Variants in LDLRAD4 observed in about 807,000 individuals in gnomAD.
The protein encoded by LDLRAD4 is low density lipoprotein receptor class A domain containing 4.
Under a neutral mutation model 17.0 loss-of-function variants are expected in LDLRAD4, and 5 were observed. The ratio of observed to expected loss-of-function variants is 0.29; its 90% CI spans 0.15 to 0.62. The LOEUF is 0.62. Among genes scored for constraint, LDLRAD4 ranks in the 20% least tolerant of loss-of-function variants. LDLRAD4 has a pLI of 0.84. For synonymous variants in LDLRAD4, 168 were observed against 171.8 expected, an observed-to-expected ratio of 0.98 and a Z score of 0.17; for missense variants, 340 against 424.7, an observed-to-expected ratio of 0.80 and a Z score of 1.75.
intron 1 of LDLRAD4, among the ~76,000 whole-genome samples, chr18:13,231,962 T>C (rs2042099603): frequency 6.6e-6 from 1 of 152,226 alleles, no homozygotes; most frequent in Admixed American, 6.5e-5. Flanking sequence ...TGAAGGTCAT[T>C]GGTCCCAGGG....
intron 1 of LDLRAD4, among the ~76,000 whole-genome samples, chr18:13,350,613 G>A (rs917587411): frequency 2.6e-5 from 4 of 152,192 alleles, no homozygotes; most frequent in Non-Finnish European, 5.9e-5. Flanking sequence ...TTCTTTTGCT[G>A]TGCAGAAGCT....
intron 1 of LDLRAD4, among the ~76,000 whole-genome samples, chr18:13,259,330 A>C (rs1281117521): frequency 2.6e-5 from 4 of 151,918 alleles, no homozygotes; most frequent in Admixed American, 2.6e-4. Flanking sequence ...ACACACCACC[A>C]TGCCTGGCTA....
At chr18:13,443,509 T>C (rs1600307454) in intron 3 of LDLRAD4, among the ~76,000 whole-genome samples, 1 of 152,336 alleles carries the variant, frequency 6.6e-6, no homozygotes, top group East Asian at 1.9e-4. Context: ...AGTCACCAAA[T>C]GTCCTTTTCG....
Position 13,640,300 on chromosome 18 carries a change from A to AAAAG in LDLRAD4, c.337-3056_337-3055insGAAA, listed in dbSNP as rs1315777504. Among the ~76,000 whole-genome samples, 9 of 151,762 alleles carry AAAAG rather than the reference A, an allele frequency of 5.9e-5. 1 individual carries two copies. Among genetic ancestry groups the AAAAG allele is most frequent in the African/African-American group, 2.2e-4 (9 of 41,288 alleles). On this transcript the variant is annotated intron_variant, in intron 4 of 5. Coordinates refer to ENST00000359446, the Ensembl canonical transcript of LDLRAD4. ...AGAGCGAGATTCCATCTCAAAAAAA[A>AAAAG]AAAAAAAAAATGAAATCCGTTCAAG... is the stretch of plus-strand genomic sequence containing the variant.
chr18:13,383,623 A>G (rs1426068299), intron 1 of LDLRAD4, among the ~76,000 whole-genome samples: 2 of 152,236 alleles, frequency 1.3e-5, no homozygotes, highest in African/African-American at 2.4e-5. Flanking sequence ...GATGCCCAGC[A>G]TGGCTGTGCT....
chr18:13,613,704 A>G (rs2039816265), intron 3 of LDLRAD4: 1 of 152,222 alleles, frequency 6.6e-6, no homozygotes, highest in Non-Finnish European at 1.5e-5. Context: ...ATGCCACTCC[A>G]GCTGGACGGG....
At chr18:13,644,211 T>C (rs2042862707) in intron 5 of LDLRAD4, among the ~76,000 whole-genome samples, 1 of 152,132 alleles carries the variant, frequency 6.6e-6, no homozygotes, top group African/African-American at 2.4e-5. Flanking sequence ...AAGTAATTAA[T>C]AAATCGACCC....
At chr18:13,612,143 G>C (rs994363557) in intron 3 of LDLRAD4, 5 of 986,052 alleles carry the variant, frequency 5.1e-6, no homozygotes, top group Non-Finnish European at 6.0e-6. Flanking sequence ...GAGACTTGCA[G>C]ATTTCCTCCT....
At chr18:13,611,589 A>G in intron 3 of LDLRAD4, 4 of 985,420 alleles carry the variant, frequency 4.1e-6, no homozygotes, top group Non-Finnish European at 4.8e-6. Flanking sequence ...CCCTCCTGAG[A>G]CATGTCTCTG....
At position 13,324,277 on chromosome 18, in the gene LDLRAD4, A is replaced by G. The variant is rs2081399617; in HGVS notation, c.-383+46089A>G. Among the ~76,000 whole-genome samples the G allele has an allele frequency of 2.7e-5, 4 of 150,666 alleles. No homozygotes were observed. In the South Asian group the frequency reaches 8.4e-4, roughly 32 times the overall value. ...CTCAGCCTCCCCAGTAGCTGGGACT[A>G]CAGGTGCCTGCCACCACACCTGGCT... On this transcript the variant is annotated intron_variant, in intron 1 of 5. Transcript: ENST00000359446.
intron 3 of LDLRAD4, among the ~76,000 whole-genome samples, chr18:13,595,731 A>T (rs1026254184): frequency 6.6e-6 from 1 of 152,134 alleles, no homozygotes; most frequent in Non-Finnish European, 1.5e-5. Context: ...TCTTTCTGTT[A>T]TGATTTCTAG....
intron 2 of LDLRAD4, among the ~76,000 whole-genome samples, chr18:13,412,626 C>G (rs958852555): frequency 1.3e-5 from 2 of 152,122 alleles, no homozygotes; most frequent in Non-Finnish European, 2.9e-5. Flanking sequence ...GGCCTCCACT[C>G]CAGCAGGGCA....
intron 3 of LDLRAD4, chr18:13,612,071 G>T (rs1290879139): frequency 1.0e-6 from 1 of 985,526 alleles, no homozygotes. Flanking sequence ...CTTGGTAAGC[G>T]CCCTCTCCGG....
intron 3 of LDLRAD4, among the ~76,000 whole-genome samples, chr18:13,533,502 A>G (rs12955371): frequency 0.94 from 143,336 of 152,242 alleles, 67,590 homozygotes; most frequent in East Asian, 1. Flanking sequence ...TCTTTGCATT[A>G]ACCGTAACAT....
chr18:13,220,541 A>G (rs2041391304), intron 1 of LDLRAD4, among the ~76,000 whole-genome samples: 1 of 152,192 alleles, frequency 6.6e-6, no homozygotes, highest in Non-Finnish European at 1.5e-5. Context: ...ACATTATTTG[A>G]GACTCCTGCA....
chr18:13,388,566 C>T (rs539424219), intron 2 of LDLRAD4, among the ~76,000 whole-genome samples: 14 of 152,238 alleles, frequency 9.2e-5, no homozygotes, highest in Admixed American at 9.2e-4. Context: ...TGACCCTATT[C>T]TCTGGTTCCG....
At chr18:13,264,065 A>G (rs922650170) in intron 1 of LDLRAD4, among the ~76,000 whole-genome samples, 1 of 152,124 alleles carries the variant, frequency 6.6e-6, no homozygotes, top group African/African-American at 2.4e-5. Flanking sequence ...GCTATGATGG[A>G]GCAGGGCAGG....
chr18:13,229,855 A>G (rs928784446), intron 1 of LDLRAD4, among the ~76,000 whole-genome samples: 1 of 152,188 alleles, frequency 6.6e-6, no homozygotes, highest in Non-Finnish European at 1.5e-5. Context: ...AGGGCTAACA[A>G]CCATACCAGG....
intron 1 of LDLRAD4, among the ~76,000 whole-genome samples, chr18:13,223,603 GA>G (rs2041586889): frequency 6.6e-6 from 1 of 152,210 alleles, no homozygotes; most frequent in Non-Finnish European, 1.5e-5. Flanking sequence ...CTCTGCTTCC[GA>G]AGGCAGCCGC....
Sources: allele counts gnomAD v4.1 joint callset (sites outside exome capture counted in the v4.1 genomes callset), GRCh38; gene constraint gnomAD v4.1.1; transcripts MANE v1.5; gene names NCBI Gene and HGNC (gene_info 2026-07-23, HGNC 2026-07-21).